Variants in SMARCA2 observed in about 807,000 individuals in gnomAD.
SMARCA2 encodes the protein SWI/SNF-related matrix-associated actin-dependent regulator of chromatin subfamily A member 2.
Under a neutral mutation model 199.8 loss-of-function variants are expected in SMARCA2, and 61 were observed. That is an observed-to-expected ratio of 0.31 (90% CI 0.25 to 0.38). SMARCA2 has a LOEUF of 0.38. Ranked by LOEUF, SMARCA2 falls within the 10% of genes least tolerant of loss-of-function variation. The pLI is 1.00. For synonymous variants in SMARCA2, 935 were observed against 732.0 expected (o/e 1.28, Z -4.48); for missense variants, 1,344 against 2,012.2 (o/e 0.67, Z 6.35).
intron 27 of SMARCA2, among the ~76,000 whole-genome samples, chr9:2,140,573 C>T (rs1320595228): frequency 6.6e-6 from 1 of 152,162 alleles, no homozygotes; most frequent in African/African-American, 2.4e-5. Flanking sequence ...TTTATGTAAA[C>T]TGTAAAGTAG....
Position 2,056,557 on chromosome 9 carries a change from G to A in SMARCA2, c.1174-115G>A. 1 of 857,884 alleles carries A rather than the reference G, an allele frequency of 1.2e-6. No individual in the cohort carries two copies. The highest frequency in any genetic ancestry group is 1.8e-6 in the Non-Finnish European group (1 of 565,684). The allele number at this position is 857,884 out of a possible 1,614,324, so 53.1% of individuals were successfully genotyped here. On this transcript the variant is annotated intron_variant, in intron 6 of 33. Transcript: ENST00000349721. This position sits in a 1 kb window ranked among gnomAD's most constrained non-coding sequence, Gnocchi z 4.0. ...AATACAAACCAAAGGTGATTGAGAA[G>A]CTTGTGGAGATTCCCCGCCCCACTC...
chr9:2,110,572 C>A lies in SMARCA2; in HGVS notation c.3456+155C>A, dbSNP rs954389994. ...ATTCTTCTGGCTGTTTTCTTATCTC[C>A]CTTAGAGCATAGATACGAGGTCCCA... On this transcript the variant is annotated intron_variant, in intron 24 of 33. Transcript: ENST00000349721. The surrounding 1 kb of genome is among the most constrained non-coding windows in gnomAD (Gnocchi z 4.8). 6.6e-6 allele frequency among the ~76,000 whole-genome samples: 1 copy of A among 152,176 alleles called. No homozygotes were observed. The highest frequency in any genetic ancestry group is 1.5e-5 in the Non-Finnish European group (1 of 68,038).
chr9:2,140,261 T>C (rs1467504061), intron 27 of SMARCA2, among the ~76,000 whole-genome samples: 1 of 152,182 alleles, frequency 6.6e-6, no homozygotes, highest in East Asian at 1.9e-4. Flanking sequence ...TATCAAGTTT[T>C]CTCCAAATTT....
At chr9:2,058,999 C>G (rs1296243415) in intron 8 of SMARCA2, among the ~76,000 whole-genome samples, 3 of 151,984 alleles carry the variant, frequency 2.0e-5, no homozygotes, top group African/African-American at 7.3e-5. Context: ...TTTGTGATAG[C>G]CTTGTTATGG....
At position 2,054,611 on chromosome 9, in the gene SMARCA2, T is replaced by C; in HGVS notation, c.1061T>C (p.Ile354Thr). The C allele has an allele frequency of 6.2e-7, 1 of 1,614,038 alleles. No individual in the cohort carries two copies. The highest frequency in any genetic ancestry group is 8.5e-7 in the Non-Finnish European group (1 of 1,179,900). ...QEREYRLQAR[I>T]AHRIQELENL... Reference sequence around the variant, plus strand: ...GTTTCCTTTAGACTTCAGGCCCGCATAGCTCATAGGATACAAGAACTGGAA... The same window carrying C: ...GTTTCCTTTAGACTTCAGGCCCGCACAGCTCATAGGATACAAGAACTGGAA... The change falls in exon 6 of 34, where the codon ATA becomes ACA. Residue 354 changes from isoleucine to threonine, a missense_variant. Physicochemically the swap from Ile to Thr is moderately conservative, Grantham distance 89 (BLOSUM62 -1). This residue lies in a region of SMARCA2 where 155 missense variants were observed against 260.0 expected (regional missense o/e 0.60). Transcript: ENST00000349721.
intron 21 of SMARCA2, among the ~76,000 whole-genome samples, 174 bp downstream of exon 21, chr9:2,097,645 C>T (rs1347011820): frequency 6.6e-6 from 1 of 152,018 alleles, no homozygotes; most frequent in East Asian, 1.9e-4. Flanking sequence ...CATGAGTATT[C>T]TGGTTATGGG....
chr9:2,176,753 T>G (rs558309818), intron 29 of SMARCA2, among the ~76,000 whole-genome samples: 1 of 151,974 alleles, frequency 6.6e-6, no homozygotes, highest in South Asian at 2.1e-4. Flanking sequence ...AGATGAGGTT[T>G]CTCCATGTTG....
intron 32 of SMARCA2, among the ~76,000 whole-genome samples, chr9:2,190,574 A>G (rs950271555): frequency 6.6e-6 from 1 of 152,228 alleles, no homozygotes; most frequent in Non-Finnish European, 1.5e-5. Flanking sequence ...GTGTGTATAT[A>G]TACTTACTTG....
intron 4 of SMARCA2, among the ~76,000 whole-genome samples, chr9:2,046,613 C>CG (rs1461685716): frequency 2.6e-5 from 4 of 152,176 alleles, no homozygotes; most frequent in Non-Finnish European, 4.4e-5. Flanking sequence ...CTGATAAACT[C>CG]GTTGCTCTGT....
chr9:2,159,170 C>G (rs1276919937), intron 27 of SMARCA2, among the ~76,000 whole-genome samples: 1 of 152,172 alleles, frequency 6.6e-6, no homozygotes, highest in Non-Finnish European at 1.5e-5. Flanking sequence ...TCCCTCTTTT[C>G]AAAATTAAGG....
At chr9:2,186,328 C>G in intron 32 of SMARCA2, 100 bp downstream of exon 32, 2 of 1,271,878 alleles carry the variant, frequency 1.6e-6, no homozygotes, top group Non-Finnish European at 2.2e-6. Flanking sequence ...TGGGGCAGAT[C>G]TGGATTGGAG....
chr9:2,161,648 CTT>C lies in SMARCA2; in HGVS notation c.3982-37_3982-36del, dbSNP rs1825682339. ...ATACTTTTTTTGTCTTGGTTATTCT[CTT>C]GTCTTGAATTTGTCTCCTTTGTTTC... On this transcript the variant is annotated intron_variant, in intron 27 of 33. Transcript: ENST00000349721. This position sits in a 1 kb window ranked among gnomAD's most constrained non-coding sequence, Gnocchi z 4.7. 5 of 1,426,278 alleles carry C rather than the reference CTT, an allele frequency of 3.5e-6. No individual in the cohort carries two copies. The highest frequency in any genetic ancestry group is 1.8e-5 in the Admixed American group (1 of 56,590). 88.4% of individuals were successfully genotyped at this position (1,426,278 alleles called of 1,614,324 possible).
intron 10 of SMARCA2, among the ~76,000 whole-genome samples, chr9:2,072,403 A>G (rs1252700867): frequency 2.6e-5 from 4 of 152,222 alleles, no homozygotes; most frequent in African/African-American, 9.7e-5. Flanking sequence ...ATAGTAGTCT[A>G]GTAATGAACT....
Position 2,039,214 on chromosome 9 carries a change from T to C in SMARCA2, c.356-252T>C, listed in dbSNP as rs1707468854. ...GGTATGTTGGTTTAAGTAAAATACA[T>C]TTAAATTAACTTTACCTGCTTTTTT... On this transcript the variant is annotated intron_variant, in intron 3 of 33. Coordinates refer to ENST00000349721, the MANE Select transcript of SMARCA2 (RefSeq NM_003070.5). The surrounding 1 kb of genome is among the most constrained non-coding windows in gnomAD (Gnocchi z 4.8). Among the ~76,000 whole-genome samples, 1 of 151,916 alleles carries C rather than the reference T, an allele frequency of 6.6e-6. No individual in the cohort carries two copies. Among genetic ancestry groups the C allele is most frequent in the African/African-American group, 2.4e-5 (1 of 41,372 alleles).
intron 28 of SMARCA2, among the ~76,000 whole-genome samples, chr9:2,164,104 G>A (rs1375984865): frequency 6.6e-6 from 1 of 152,112 alleles, no homozygotes. Context: ...CCGTCACTCT[G>A]TATCATCTCT....
At chr9:2,067,063 G>A (rs1380141269) in intron 9 of SMARCA2, among the ~76,000 whole-genome samples, 1 of 152,204 alleles carries the variant, frequency 6.6e-6, no homozygotes, top group Admixed American at 6.5e-5. Context: ...GATATCTCTT[G>A]TCATAGAGTA....
chr9:2,102,210 A>G (rs1007905092), intron 22 of SMARCA2, among the ~76,000 whole-genome samples: 11 of 151,804 alleles, frequency 7.2e-5, no homozygotes, highest in Admixed American at 2.0e-4. Context: ...TGTAGTCATC[A>G]TTTTTGGATC....
intron 23 of SMARCA2, among the ~76,000 whole-genome samples, chr9:2,105,677 C>G (rs1367616412): frequency 1.3e-5 from 2 of 152,186 alleles, no homozygotes; most frequent in Non-Finnish European, 2.9e-5. Flanking sequence ...CCTTTATTGT[C>G]TCTTCTCCTT....
At chr9:2,181,726 T>G in intron 30 of SMARCA2, 50 bp downstream of exon 30, 1 of 978,906 alleles carries the variant, frequency 1.0e-6, no homozygotes, top group South Asian at 1.3e-5. Flanking sequence ...AAAGGAGCAG[T>G]GTAAAGTCAT....
Sources: gnomAD v4.1 joint callset for allele counts (sites outside exome capture counted in the v4.1 genomes callset) on GRCh38, gnomAD v4.1.1 for gene constraint, gnomAD v4.1.1 regional missense constraint, Gnocchi (gnomAD v3.1) non-coding constraint, MANE v1.5 for transcripts, NCBI Gene and HGNC (gene_info 2026-07-23, HGNC 2026-07-21) for gene names.